The following NPAS3 variants were observed in gnomAD, a reference collection of about 807,000 sequenced individuals.
The protein encoded by NPAS3 is neuronal PAS domain protein 3.
NPAS3 carries 14 observed loss-of-function variants against 73.1 expected under a neutral mutation model. The ratio of observed to expected loss-of-function variants is 0.19; its 90% CI spans 0.13 to 0.30. The LOEUF (loss-of-function observed/expected upper bound fraction) is 0.30. Ranked by LOEUF, NPAS3 falls within the 10% of genes least tolerant of loss-of-function variation. The pLI, the probability that NPAS3 is intolerant of heterozygous loss-of-function variation, is 1.00. For synonymous variants in NPAS3, 620 were observed against 541.5 expected, an observed-to-expected ratio of 1.14 and a Z score of -2.01; for missense variants, 1,096 against 1,250.0, an observed-to-expected ratio of 0.88 and a Z score of 1.86.
At chr14:33,367,344 A>T (rs1594779209) in intron 4 of NPAS3, 76 bp downstream of exon 4, 2 of 679,776 alleles carry the variant, frequency 2.9e-6, no homozygotes, top group Non-Finnish European at 5.1e-6. Flanking sequence ...TTTTTAAAGA[A>T]TTTTTTTTAA....
chr14:33,367,366 A>T, intron 4 of NPAS3, 98 bp downstream of exon 4: 2 of 571,554 alleles, frequency 3.5e-6, no homozygotes, highest in Non-Finnish European at 6.1e-6. Context: ...TGTCAGCTGT[A>T]TATTTGACTG....
intron 2 of NPAS3, among the ~76,000 whole-genome samples, chr14:33,167,209 C>T (rs990983104): frequency 6.6e-6 from 1 of 152,166 alleles, no homozygotes; most frequent in African/African-American, 2.4e-5. Flanking sequence ...GCAGTTGACT[C>T]TACCACACAG....
rs2048433693 is a variant in NPAS3, at chr14:33,423,427, T to C, written c.468+56159T>C. Reference sequence around the variant, plus strand: ...ACAATTTTACCCAAATATACCTTGCTAAAAGTCACCGAAAGCAGAATCTGT... The same window carrying C: ...ACAATTTTACCCAAATATACCTTGCCAAAAGTCACCGAAAGCAGAATCTGT... On this transcript the variant is annotated intron_variant, in intron 4 of 11. Coordinates refer to ENST00000356141, the Ensembl canonical transcript of NPAS3. Among the ~76,000 whole-genome samples the C allele has an allele frequency of 2.6e-5, 4 of 152,008 alleles. No individual in the cohort carries two copies. The South Asian group carries it at 8.3e-4, about 31-fold the overall frequency.
At chr14:33,686,366 T>A (rs553795057) in intron 6 of NPAS3, among the ~76,000 whole-genome samples, 4 of 152,296 alleles carry the variant, frequency 2.6e-5, no homozygotes, top group African/African-American at 9.6e-5. Flanking sequence ...AAGTTCTGAG[T>A]ATGACTCATT....
At position 32,959,932 on chromosome 14, in the gene NPAS3, C is replaced by T. The variant is rs902868857; in HGVS notation, c.50+20566C>T. ...TGGCATAAACATTCTATGAATGCTA[C>T]GTAAGAGACACGTGATATCTAATGA... On this transcript the variant is annotated intron_variant, in intron 1 of 11. Coordinates refer to ENST00000356141, the Ensembl canonical transcript of NPAS3. Among the ~76,000 whole-genome samples the T allele has an allele frequency of 3.3e-5, 5 of 151,120 alleles. No individual in the cohort carries two copies. In the East Asian group the frequency reaches 5.8e-4, roughly 18 times the overall value.
At chr14:33,221,192 G>A (rs552851325) in intron 3 of NPAS3, among the ~76,000 whole-genome samples, 3 of 152,266 alleles carry the variant, frequency 2.0e-5, no homozygotes, top group African/African-American at 4.8e-5. Context: ...AGGCAAAGGT[G>A]TAAGAAGGGT....
At chr14:33,277,803 C>G (rs2041404645) in intron 3 of NPAS3, among the ~76,000 whole-genome samples, 1 of 151,966 alleles carries the variant, frequency 6.6e-6, no homozygotes, top group South Asian at 2.1e-4. Context: ...CAGACAGAGG[C>G]TTTGGATTTT....
chr14:33,389,285 A>G (rs550589092), intron 4 of NPAS3, among the ~76,000 whole-genome samples: 2 of 152,342 alleles, frequency 1.3e-5, no homozygotes, highest in East Asian at 1.9e-4. Context: ...TGGAAATTAT[A>G]TATGTTTCCT....
At chr14:33,445,602 A>G (rs548208373) in intron 4 of NPAS3, among the ~76,000 whole-genome samples, 4 of 152,240 alleles carry the variant, frequency 2.6e-5, no homozygotes, top group Non-Finnish European at 4.4e-5. Context: ...CAGCTTTCTC[A>G]TACCAAGCCA....
At chr14:32,988,065 C>A (rs187864774) in intron 1 of NPAS3, among the ~76,000 whole-genome samples, 16 of 152,158 alleles carry the variant, frequency 1.1e-4, no homozygotes, top group African/African-American at 3.4e-4. Context: ...TTAACAATAA[C>A]AATTTCAATA....
At chr14:33,661,870 C>T (rs1463961338) in intron 5 of NPAS3, among the ~76,000 whole-genome samples, 1 of 152,112 alleles carries the variant, frequency 6.6e-6, no homozygotes, top group Non-Finnish European at 1.5e-5. Flanking sequence ...GATAAGTTTT[C>T]ACCCCTCTCT....
intron 2 of NPAS3, among the ~76,000 whole-genome samples, chr14:33,138,424 T>A (rs2043921205): frequency 6.6e-6 from 1 of 152,132 alleles, no homozygotes; most frequent in Non-Finnish European, 1.5e-5. Flanking sequence ...AAGCTAAGCA[T>A]AAAACTTGTA....
intron 7 of NPAS3, among the ~76,000 whole-genome samples, chr14:33,740,890 T>G (rs993340332): frequency 6.6e-6 from 1 of 152,220 alleles, no homozygotes; most frequent in Non-Finnish European, 1.5e-5. Flanking sequence ...GGATAATACT[T>G]GCCAATATCC....
intron 4 of NPAS3, among the ~76,000 whole-genome samples, chr14:33,515,714 G>A (rs2053265538): frequency 6.6e-6 from 1 of 152,074 alleles, no homozygotes; most frequent in South Asian, 2.1e-4. Flanking sequence ...TTACTCTGTT[G>A]TTCTTAACCA....
chr14:33,139,826 T>C (rs954094996), intron 2 of NPAS3, among the ~76,000 whole-genome samples: 1 of 152,166 alleles, frequency 6.6e-6, no homozygotes, highest in Non-Finnish European at 1.5e-5. Flanking sequence ...AACACTTCCA[T>C]TATCACAGAA....
chr14:33,441,296 T>G (rs17101147), intron 4 of NPAS3, among the ~76,000 whole-genome samples: 3,485 of 152,308 alleles, frequency 0.023, 120 homozygotes, highest in African/African-American at 0.08. Context: ...AATATAAAAC[T>G]TTATAGAGAG....
At chr14:33,777,607 A>C (rs1366746569) in intron 8 of NPAS3, among the ~76,000 whole-genome samples, 2 of 152,220 alleles carry the variant, frequency 1.3e-5, no homozygotes, top group African/African-American at 4.8e-5. Context: ...TTAAACAAAA[A>C]ATATATTCCA....
upstream of NPAS3, chr14:32,939,245 G>GC (rs1183289287): frequency 3.0e-6 from 1 of 329,844 alleles, no homozygotes; most frequent in African/African-American, 2.8e-5. Context: ...GCACACCCCC[G>GC]CCCGCCCACG....
At chr14:33,008,734 C>T (rs1014268002) in intron 1 of NPAS3, among the ~76,000 whole-genome samples, 6 of 152,016 alleles carry the variant, frequency 3.9e-5, no homozygotes, top group Non-Finnish European at 8.8e-5. Flanking sequence ...AATGGGCATG[C>T]GATTTATTTA....
Sources: allele counts gnomAD v4.1 joint callset (sites outside exome capture counted in the v4.1 genomes callset), GRCh38; gene constraint gnomAD v4.1.1; transcripts MANE v1.5; gene names NCBI Gene and HGNC (gene_info 2026-07-23, HGNC 2026-07-21).